Variants in FPR3 observed in about 807,000 individuals in gnomAD.
FPR3 encodes formyl peptide receptor 3.
For synonymous variants in FPR3, 135 were observed against 163.6 expected (o/e 0.83, Z 1.34); for missense variants, 346 against 443.2 (o/e 0.78, Z 1.97).
chr19:51,815,145 G>A (rs907785882), intron 1 of FPR3, among the ~76,000 whole-genome samples: 9 of 152,094 alleles, frequency 5.9e-5, no homozygotes, highest in Admixed American at 3.9e-4. Flanking sequence ...TTAGGGCGAG[G>A]TCCCTTGATA....
intron 1 of FPR3, among the ~76,000 whole-genome samples, chr19:51,808,222 C>T (rs1471429395): frequency 6.6e-6 from 1 of 152,216 alleles, no homozygotes; most frequent in African/African-American, 2.4e-5. Flanking sequence ...CAATTAATAT[C>T]TCCTAATAAC....
chr19:51,804,804 A>G (rs957425684), intron 1 of FPR3: 1 of 152,244 alleles, frequency 6.6e-6, no homozygotes, highest in African/African-American at 2.4e-5. Flanking sequence ...GACAAGAGAC[A>G]AAAGAGTATA....
At chr19:51,819,108 T>TTAATAA (rs1382646199) in intron 1 of FPR3, among the ~76,000 whole-genome samples, 63 of 152,302 alleles carry the variant, frequency 4.1e-4, no homozygotes, top group African/African-American at 1.4e-3. Flanking sequence ...AAAGGTGAGT[T>TTAATAA]CTACATTTAG....
At chr19:51,819,464 G>T (rs1238604893) in intron 1 of FPR3, among the ~76,000 whole-genome samples, 4 of 151,976 alleles carry the variant, frequency 2.6e-5, no homozygotes. Flanking sequence ...ACCAAGAGTG[G>T]ATTGTGTGTA....
chr19:51,802,099 C>G (rs866581491), intron 1 of FPR3, among the ~76,000 whole-genome samples: 1 of 152,000 alleles, frequency 6.6e-6, no homozygotes, highest in African/African-American at 2.4e-5. Context: ...GAAACAGCAC[C>G]TTCAAGGATT....
chr19:51,824,068 T>A lies in FPR3; in HGVS notation c.320T>A (p.Ile107Asn), dbSNP rs766122928. The stretch of plus-strand genomic sequence containing the variant: ...AAGTTAGTTCATGTTATGATAGACA[T>A]CAACCTGTTTGTCAGTGTCTACCTG... ...LCKLVHVMID[I>N]NLFVSVYLIT... Residue 107 changes from isoleucine to asparagine, a missense_variant, in exon 2 of 2, where the codon ATC becomes AAC. Transcript: ENST00000339223. The surrounding 1 kb of genome is among the most constrained non-coding windows in gnomAD (Gnocchi z 4.7). The A allele has an allele frequency of 1.1e-5, 18 of 1,614,042 alleles. 1 individual carries two copies. The highest frequency in any genetic ancestry group is 5.1e-6 in the Non-Finnish European group (6 of 1,180,012).
At chr19:51,814,562 C>T (rs1244669138) in intron 1 of FPR3, among the ~76,000 whole-genome samples, 1 of 151,752 alleles carries the variant, frequency 6.6e-6, no homozygotes, top group Non-Finnish European at 1.5e-5. Context: ...GGTGTGATCT[C>T]GGCTCACTGC....
At chr19:51,806,832 G>A (rs1044830333) in intron 1 of FPR3, among the ~76,000 whole-genome samples, 2 of 152,190 alleles carry the variant, frequency 1.3e-5, no homozygotes, top group African/African-American at 4.8e-5. Flanking sequence ...TGGGTCTAGC[G>A]TACTTTTAAC....
At chr19:51,810,933 C>CT (rs1392131231) in intron 1 of FPR3, among the ~76,000 whole-genome samples, 3 of 152,146 alleles carry the variant, frequency 2.0e-5, no homozygotes, top group Non-Finnish European at 4.4e-5. Flanking sequence ...GCATAAAATT[C>CT]TTTGTATTGG....
chr19:51,818,288 C>A (rs756386152), intron 1 of FPR3, among the ~76,000 whole-genome samples: 1 of 152,064 alleles, frequency 6.6e-6, no homozygotes, highest in Non-Finnish European at 1.5e-5. Flanking sequence ...ATATAGGATT[C>A]AAGAAAATAT....
intron 1 of FPR3, among the ~76,000 whole-genome samples, chr19:51,813,160 A>ACACACACC (rs1555740553): frequency 6.8e-6 from 1 of 147,360 alleles, no homozygotes; most frequent in African/African-American, 2.5e-5. Flanking sequence ...ACACACACAC[A>ACACACACC]CCCCATAAAT....
rs888677449 is a variant in FPR3, at chr19:51,824,420, C to T, written c.672C>T (p.Ile224=). 5.0e-6 allele frequency: 8 copies of T among 1,613,982 alleles called. No individual in the cohort carries two copies. Among genetic ancestry groups the T allele is most frequent in the African/African-American group, 1.3e-5 (1 of 74,920 alleles). The change falls in exon 2 of 2, where the codon ATC becomes ATT. Residue 224 remains isoleucine (I), a synonymous_variant. Coordinates refer to ENST00000339223, the MANE Select transcript of FPR3 (RefSeq NM_002030.5). The surrounding 1 kb of genome is among the most constrained non-coding windows in gnomAD (Gnocchi z 4.7). ...MSIITVCYGI[I]AAKIHRNHMI... ...TCATCACAGTCTGCTATGGGATCAT[C>T]GCTGCCAAAATTCACAGAAACCACA...
intron 1 of FPR3, chr19:51,805,298 T>C (rs1328310977): frequency 6.6e-6 from 1 of 152,188 alleles, no homozygotes; most frequent in Non-Finnish European, 1.5e-5. Flanking sequence ...CTCCAAGAAC[T>C]ACATATAAGA....
At chr19:51,816,948 C>G (rs1460618881) in intron 1 of FPR3, among the ~76,000 whole-genome samples, 1 of 152,038 alleles carries the variant, frequency 6.6e-6, no homozygotes, top group Non-Finnish European at 1.5e-5. Context: ...TATTGTTTTC[C>G]TCTCATTTTT....
chr19:51,797,490 A>G (rs2084006907), intron 1 of FPR3, among the ~76,000 whole-genome samples: 1 of 152,154 alleles, frequency 6.6e-6, no homozygotes, highest in African/African-American at 2.4e-5. Flanking sequence ...TTTTGGTATA[A>G]AAAATGATCT....
intron 1 of FPR3, among the ~76,000 whole-genome samples, chr19:51,812,981 C>T (rs1002720180): frequency 1.3e-5 from 2 of 151,842 alleles, no homozygotes; most frequent in Non-Finnish European, 2.9e-5. Context: ...AATTAGCAGG[C>T]ATGGTGGTGA....
At chr19:51,815,467 G>A (rs1382877591) in intron 1 of FPR3, among the ~76,000 whole-genome samples, 1 of 152,044 alleles carries the variant, frequency 6.6e-6, no homozygotes. Context: ...GACTGAGGCA[G>A]GAGAATTGCT....
intron 1 of FPR3, among the ~76,000 whole-genome samples, chr19:51,808,439 C>T (rs1171417216): frequency 1.3e-5 from 2 of 152,042 alleles, no homozygotes; most frequent in Non-Finnish European, 2.9e-5. Flanking sequence ...TAGGAGCAGC[C>T]AAAAGAATAT....
chr19:51,821,505 T>C (rs1382539556), intron 1 of FPR3, among the ~76,000 whole-genome samples: 4 of 152,166 alleles, frequency 2.6e-5, no homozygotes, highest in Non-Finnish European at 4.4e-5. Flanking sequence ...CCCAATTGTC[T>C]GTAGTGCCAA....
Sources: allele counts gnomAD v4.1 joint callset (sites outside exome capture counted in the v4.1 genomes callset), GRCh38; gene constraint gnomAD v4.1.1; non-coding constraint Gnocchi (gnomAD v3.1); transcripts MANE v1.5; gene names NCBI Gene and HGNC (gene_info 2026-07-23, HGNC 2026-07-21).